The following RBM47 variants were observed in gnomAD, a reference collection of about 807,000 sequenced individuals.
The protein encoded by RBM47 is RNA-binding protein 47.
RBM47 carries 21 observed loss-of-function variants against 47.1 expected under a neutral mutation model. The ratio of observed to expected loss-of-function variants is 0.45; its 90% CI spans 0.32 to 0.64. The LOEUF (loss-of-function observed/expected upper bound fraction) is 0.64. RBM47 is among the 30% of genes least tolerant of loss of function. The probability of loss-of-function intolerance (pLI) is 0.05; values close to 1 mark genes in which losing one functional copy is unlikely to be tolerated. For synonymous variants in RBM47, 375 were observed against 361.7 expected (o/e 1.04, Z -0.42); for missense variants, 708 against 870.9 (o/e 0.81, Z 2.35).
At chr4:40,548,283 C>T (rs1026446434) in intron 1 of RBM47, among the ~76,000 whole-genome samples, 9 of 152,152 alleles carry the variant, frequency 5.9e-5, no homozygotes, top group African/African-American at 4.8e-5. Context: ...GACATAAGAG[C>T]GTACAGGATC....
chr4:40,577,576 T>C (rs561621503), intron 1 of RBM47, among the ~76,000 whole-genome samples: 1 of 152,080 alleles, frequency 6.6e-6, no homozygotes, highest in African/African-American at 2.4e-5. Context: ...CTGCTATTTA[T>C]TCCCTGTTCC....
chr4:40,581,533 G>A (rs1732946551), intron 1 of RBM47, among the ~76,000 whole-genome samples: 1 of 151,840 alleles, frequency 6.6e-6, no homozygotes, highest in Non-Finnish European at 1.5e-5. Flanking sequence ...GAATGAGAAA[G>A]CATCTCATAG....
At chr4:40,463,123 A>G (rs941702251) in intron 3 of RBM47, among the ~76,000 whole-genome samples, 1 of 152,230 alleles carries the variant, frequency 6.6e-6, no homozygotes, top group Non-Finnish European at 1.5e-5. Context: ...TAATTTAAAA[A>G]TGGTCAAAAA....
Position 40,438,387 on chromosome 4 carries a change from C to T in RBM47, c.507G>A (p.Glu169=). 1 of 1,613,070 alleles carries T rather than the reference C, an allele frequency of 6.2e-7. No individual in the cohort carries two copies. Among genetic ancestry groups the T allele is most frequent in the Non-Finnish European group, 8.5e-7 (1 of 1,179,982 alleles). The change falls in exon 4 of 7, where the codon GAG becomes GAA. Residue 169 remains glutamate (E), a synonymous_variant. Transcript: ENST00000295971. ...CGCCCTCGGTGACCTTGGCAATCTC[C>T]TCCAGGATTTCCTCGCGCTTCTTCA... ...PKMKKREEIL[E]EIAKVTEGVL... is the part of the protein sequence containing the mutation.
chr4:40,603,518 C>T (rs1735468084), intron 1 of RBM47, among the ~76,000 whole-genome samples: 1 of 151,982 alleles, frequency 6.6e-6, no homozygotes, highest in Non-Finnish European at 1.5e-5. Flanking sequence ...GATTTAGTGA[C>T]TCCTCTTTGG....
intron 1 of RBM47, among the ~76,000 whole-genome samples, chr4:40,615,309 G>A (rs909457046): frequency 1.2e-4 from 18 of 151,938 alleles, no homozygotes; most frequent in African/African-American, 4.3e-4. Flanking sequence ...CAGGCATGAG[G>A]GTGTGCACCT....
At chr4:40,480,528 G>C (rs955506627) in intron 2 of RBM47, among the ~76,000 whole-genome samples, 2 of 152,134 alleles carry the variant, frequency 1.3e-5, no homozygotes, top group African/African-American at 4.8e-5. Context: ...TACTAACCCA[G>C]AAAAACTTTG....
At chr4:40,582,398 G>A (rs1354219653) in intron 1 of RBM47, among the ~76,000 whole-genome samples, 1 of 152,184 alleles carries the variant, frequency 6.6e-6, no homozygotes, top group Non-Finnish European at 1.5e-5. Flanking sequence ...GCCAGGTGTG[G>A]TGGTGCGTGC....
chr4:40,567,884 A>G (rs1205551922), intron 1 of RBM47, among the ~76,000 whole-genome samples: 2 of 152,002 alleles, frequency 1.3e-5, no homozygotes, highest in Non-Finnish European at 2.9e-5. Flanking sequence ...GAGATCTAAA[A>G]TGAGTATTTA....
rs544690569 is a variant in RBM47, at chr4:40,625,337, T to C, written c.-240+4059A>G. Among the ~76,000 whole-genome samples, 4 of 152,330 alleles carry C rather than the reference T, an allele frequency of 2.6e-5. No individual in the cohort carries two copies. In the South Asian group the frequency reaches 8.3e-4, roughly 32 times the overall value. ...TTTTGTACTTCTGTACTTTTTGTTTTTCTTGGGGCACGTGAAATGCTTTAC... is the reference window on the plus strand; with the variant it reads ...TTTTGTACTTCTGTACTTTTTGTTTCTCTTGGGGCACGTGAAATGCTTTAC... On this transcript the variant is annotated intron_variant, in intron 1 of 6. Transcript: ENST00000295971.
At chr4:40,547,758 T>C (rs1237389578) in intron 1 of RBM47, among the ~76,000 whole-genome samples, 1 of 152,170 alleles carries the variant, frequency 6.6e-6, no homozygotes, top group Non-Finnish European at 1.5e-5. Flanking sequence ...AAACTTAAAA[T>C]ACTATGAGGC....
At chr4:40,562,354 C>T (rs1730707808) in intron 1 of RBM47, among the ~76,000 whole-genome samples, 1 of 152,056 alleles carries the variant, frequency 6.6e-6, no homozygotes, top group Non-Finnish European at 1.5e-5. Context: ...AGAAGGCTTC[C>T]GGTCCCAAAG....
At chr4:40,519,374 T>G (rs907855003) in intron 2 of RBM47, among the ~76,000 whole-genome samples, 1 of 148,144 alleles carries the variant, frequency 6.8e-6, no homozygotes, top group Non-Finnish European at 1.5e-5. Flanking sequence ...CTTGGCTCAC[T>G]GCAATCTCTG....
chr4:40,476,959 G>C (rs1719696289), intron 2 of RBM47, among the ~76,000 whole-genome samples: 1 of 152,228 alleles, frequency 6.6e-6, no homozygotes, highest in South Asian at 2.1e-4. Flanking sequence ...AATGGGCCGG[G>C]TGTGGTGGCT....
At chr4:40,569,511 A>AG (rs1731484355) in intron 1 of RBM47, among the ~76,000 whole-genome samples, 1 of 148,182 alleles carries the variant, frequency 6.7e-6, no homozygotes, top group Non-Finnish European at 1.5e-5. Context: ...CCGGGTTCAC[A>AG]CCATTCTCCT....
intron 2 of RBM47, among the ~76,000 whole-genome samples, chr4:40,483,445 A>AT (rs1192017156): frequency 1.3e-5 from 2 of 152,336 alleles, no homozygotes; most frequent in South Asian, 2.1e-4. Flanking sequence ...TGGGAGCGTT[A>AT]TAACACCCAG....
chr4:40,539,493 C>T (rs1226505056), intron 2 of RBM47, among the ~76,000 whole-genome samples: 1 of 152,008 alleles, frequency 6.6e-6, no homozygotes, highest in African/African-American at 2.4e-5. Flanking sequence ...GTAATCCCAG[C>T]ACTTTGGGAG....
chr4:40,563,286 A>G (rs1428933998), intron 1 of RBM47, among the ~76,000 whole-genome samples: 1 of 152,246 alleles, frequency 6.6e-6, no homozygotes, highest in Non-Finnish European at 1.5e-5. Flanking sequence ...CAATTAGGCT[A>G]GCTCCACAGA....
At chr4:40,603,474 G>A (rs1735464434) in intron 1 of RBM47, among the ~76,000 whole-genome samples, 1 of 152,072 alleles carries the variant, frequency 6.6e-6, no homozygotes, top group Non-Finnish European at 1.5e-5. Flanking sequence ...ACCTAGGAGT[G>A]GAATCACTGA....
Sources: allele counts gnomAD v4.1 joint callset (sites outside exome capture counted in the v4.1 genomes callset), GRCh38; gene constraint gnomAD v4.1.1; transcripts MANE v1.5; gene names NCBI Gene and HGNC (gene_info 2026-07-23, HGNC 2026-07-21).